Variants in FRMPD3 observed in about 807,000 individuals in gnomAD.
FRMPD3 encodes the protein FERM and PDZ domain containing 3.
FRMPD3 carries 42 observed loss-of-function variants against 97.9 expected under a neutral mutation model. The observed-to-expected ratio is 0.43, with a 90% confidence interval of 0.34 to 0.55. The LOEUF (loss-of-function observed/expected upper bound fraction) is 0.55. Ranked by LOEUF, FRMPD3 falls within the 20% of genes least tolerant of loss-of-function variation. The pLI, the probability that FRMPD3 is intolerant of heterozygous loss-of-function variation, is 0.03. For missense variants in FRMPD3, 1,303 were observed against 1,457.7 expected (o/e 0.89, Z 1.73); for synonymous variants, 577 against 581.1 (o/e 0.99, Z 0.10).
At chrX:107,527,625 G>T (rs1202557935) in intron 2 of FRMPD3, among the ~76,000 whole-genome samples, 1 of 112,371 alleles carries the variant, frequency 8.9e-6, no homozygotes, top group Non-Finnish European at 1.9e-5. Flanking sequence ...AATCTGCTAG[G>T]CATTGACAAA....
intron 7 of FRMPD3, among the ~76,000 whole-genome samples, chrX:107,553,838 C>A (rs1921964636): frequency 8.9e-6 from 1 of 111,792 alleles, no homozygotes; most frequent in South Asian, 3.7e-4. Context: ...GGATTTTAAA[C>A]TTTTTTATTA....
chrX:107,503,954 G>A (rs772737808), intron 1 of FRMPD3, among the ~76,000 whole-genome samples: 2 of 112,580 alleles, frequency 1.8e-5, no homozygotes, highest in Non-Finnish European at 3.8e-5. Context: ...CCAGGAGACC[G>A]CACAGTGACC....
intron 1 of FRMPD3, among the ~76,000 whole-genome samples, chrX:107,457,804 C>A (rs1931403929): frequency 8.9e-6 from 1 of 111,924 alleles, no homozygotes. Flanking sequence ...TCCCATCATA[C>A]CCTCCTTCAT....
At chrX:107,554,041 G>A (rs955205982) in intron 7 of FRMPD3, among the ~76,000 whole-genome samples, 2 of 111,482 alleles carry the variant, frequency 1.8e-5, no homozygotes, top group Non-Finnish European at 3.8e-5. Context: ...GTAAGGTAAA[G>A]GCATGAATCC....
At chrX:107,470,107 T>G (rs1921017503) in intron 1 of FRMPD3, among the ~76,000 whole-genome samples, 2 of 112,427 alleles carry the variant, frequency 1.8e-5, no homozygotes, top group African/African-American at 6.5e-5. Context: ...AAAGAGAAAT[T>G]GAACATTAGA....
At chrX:107,518,055 G>A (rs1169877875) in intron 1 of FRMPD3, among the ~76,000 whole-genome samples, 1 of 111,135 alleles carries the variant, frequency 9.0e-6, no homozygotes, top group Non-Finnish European at 1.9e-5. Flanking sequence ...GGAAGGGAAT[G>A]ATCATAATGA....
chrX:107,510,910 G>C (rs1453859745), intron 1 of FRMPD3, among the ~76,000 whole-genome samples: 1 of 112,343 alleles, frequency 8.9e-6, no homozygotes, highest in African/African-American at 3.2e-5. Flanking sequence ...AGGAGTCAGG[G>C]GTTGCTCCCT....
At chrX:107,507,097 C>A (rs1050613676) in intron 1 of FRMPD3, among the ~76,000 whole-genome samples, 1 of 109,869 alleles carries the variant, frequency 9.1e-6, no homozygotes, top group Non-Finnish European at 1.9e-5. Flanking sequence ...GGCAGTCGAG[C>A]GCTAGGGTCC....
chrX:107,558,119 C>A (rs1760818172), intron 8 of FRMPD3, among the ~76,000 whole-genome samples: 1 of 108,902 alleles, frequency 9.2e-6, no homozygotes, highest in Non-Finnish European at 1.9e-5. Context: ...AATTGACATC[C>A]TAACAATATT....
At chrX:107,553,364 T>C (rs1921945928) in intron 7 of FRMPD3, among the ~76,000 whole-genome samples, 1 of 106,493 alleles carries the variant, frequency 9.4e-6, no homozygotes, top group Admixed American at 1.0e-4. Context: ...GAGTTGGGAA[T>C]TGGCTGAGTA....
intron 1 of FRMPD3, among the ~76,000 whole-genome samples, chrX:107,452,782 G>A (rs1295175277): frequency 1.8e-5 from 2 of 111,159 alleles, no homozygotes; most frequent in African/African-American, 6.6e-5. Flanking sequence ...GAAGTGAGCT[G>A]TGTGGCCCAG....
chrX:107,516,644 T>G (rs1344229135), intron 1 of FRMPD3, among the ~76,000 whole-genome samples: 2 of 112,196 alleles, frequency 1.8e-5, no homozygotes, highest in African/African-American at 3.2e-5. Flanking sequence ...GAGCATTTTT[T>G]CATGTGTTTT....
intron 1 of FRMPD3, among the ~76,000 whole-genome samples, chrX:107,483,925 C>T (rs930510602): frequency 1.8e-5 from 2 of 111,717 alleles, no homozygotes; most frequent in African/African-American, 6.5e-5. Flanking sequence ...AGGGGGGTGA[C>T]AGTGGCCAGG....
chrX:107,557,693 GT>G (rs1376839062), intron 8 of FRMPD3, among the ~76,000 whole-genome samples: 5 of 83,386 alleles, frequency 6.0e-5, no homozygotes, highest in African/African-American at 1.7e-4. Flanking sequence ...GTGTGTGTGT[GT>G]TTTTTTTTGC....
chrX:107,535,672 C>CAA (rs772729164), intron 4 of FRMPD3, among the ~76,000 whole-genome samples: 10 of 36,046 alleles, frequency 2.8e-4, no homozygotes, highest in Admixed American at 3.6e-4. Flanking sequence ...GACTCCATCT[C>CAA]AAAAAAAAAA....
rs1556154193 is a variant in FRMPD3 at position 107,471,306 on chromosome X, T to TCCCTCCC, written c.-8+21301_-8+21302insCCCTCCC. 2.3e-3 allele frequency among the ~76,000 whole-genome samples: 215 copies of TCCCTCCC among 92,668 alleles called. 4 individuals are homozygous for TCCCTCCC. The highest frequency in any genetic ancestry group is 8.4e-3 in the African/African-American group (204 of 24,319). The allele number at this position is 92,668 out of a possible 115,157, so 80.5% of individuals were successfully genotyped here. A position where few individuals can be genotyped will look rare whatever the true frequency, so the allele number is the denominator to read the frequency against. On this transcript the variant is annotated intron_variant, in intron 1 of 14. Transcript: ENST00000683843. The stretch of plus-strand genomic sequence containing the variant: ...CTTCCTTCCTTCCTTCCTTCTTTCC[T>TCCCTCCC]TCCCTCCCTCCCTCCCTTCCTTCCT...
chrX:107,512,226 G>A (rs1357388430), intron 1 of FRMPD3, among the ~76,000 whole-genome samples: 2 of 110,377 alleles, frequency 1.8e-5, no homozygotes, highest in African/African-American at 6.6e-5. Flanking sequence ...TCTCAGTATG[G>A]CAAAATAGCA....
chrX:107,566,268 T>G (rs1253298270), intron 12 of FRMPD3, among the ~76,000 whole-genome samples: 1 of 112,938 alleles, frequency 8.9e-6, no homozygotes, highest in African/African-American at 3.2e-5. Flanking sequence ...TGGTAGCAGA[T>G]TAAGAGGTGG....
chrX:107,513,476 A>G (rs758854218), intron 1 of FRMPD3: 2 of 111,796 alleles, frequency 1.8e-5, no homozygotes, highest in East Asian at 5.6e-4. Context: ...CTACCCTTAA[A>G]AAATTCCTTC....
Sources: allele counts gnomAD v4.1 joint callset (sites outside exome capture counted in the v4.1 genomes callset), GRCh38; gene constraint gnomAD v4.1.1; transcripts MANE v1.5; gene names NCBI Gene and HGNC (gene_info 2026-07-23, HGNC 2026-07-21).